Variants in LBH observed in about 807,000 individuals in gnomAD.
The protein encoded by LBH is LBH regulator of Wnt signaling pathway.
Under a neutral mutation model 12.5 loss-of-function variants are expected in LBH, and 7 were observed. That is an observed-to-expected ratio of 0.56 (90% CI 0.32 to 1.05). The LOEUF is 1.05. LBH is among the 50% of genes least tolerant of loss of function. The pLI, the probability that LBH is intolerant of heterozygous loss-of-function variation, is 0.04. For missense variants in LBH, 119 were observed against 138.9 expected (o/e 0.86, Z 0.72); for synonymous variants, 51 against 50.1 (o/e 1.02, Z -0.08).
Position 30,257,769 on chromosome 2 carries a change from G to T in LBH, c.*148G>T. Reference sequence around the variant, plus strand: ...TTTTGCACCTGCAGATCACCGAGTTGGTTTTCTTTTCTTTTCTTGCCTTTT... The same window carrying T: ...TTTTGCACCTGCAGATCACCGAGTTTGTTTTCTTTTCTTTTCTTGCCTTTT... On this transcript the variant is annotated 3_prime_UTR_variant, in exon 3 of 3. Coordinates refer to ENST00000395323, the MANE Select transcript of LBH (RefSeq NM_030915.4). The T allele has an allele frequency of 1.1e-5, 6 of 537,488 alleles. No homozygotes were observed. Among genetic ancestry groups the T allele is most frequent in the South Asian group, 3.2e-5 (1 of 30,908 alleles). The allele number at this position is 537,488 out of a possible 1,614,324, so 33.3% of individuals were successfully genotyped here.
At chr2:30,239,903 TC>T (rs2103557643) in intron 2 of LBH, among the ~76,000 whole-genome samples, 1 of 152,316 alleles carries the variant, frequency 6.6e-6, no homozygotes, top group African/African-American at 2.4e-5. Context: ...CATGGGGATT[TC>T]CTCCTGGGCC....
intron 2 of LBH, among the ~76,000 whole-genome samples, chr2:30,240,808 C>T (rs1677777798): frequency 6.6e-6 from 1 of 152,224 alleles, no homozygotes; most frequent in South Asian, 2.1e-4. Context: ...TTTAGGTAAA[C>T]TGTGTAGAAG....
intron 2 of LBH, among the ~76,000 whole-genome samples, chr2:30,255,487 G>A (rs1403408312): frequency 6.6e-6 from 1 of 152,178 alleles, no homozygotes; most frequent in Non-Finnish European, 1.5e-5. Context: ...TATGAGCCTC[G>A]TTAAGTCTTT....
At chr2:30,235,675 A>T (rs1052939253) in intron 2 of LBH, among the ~76,000 whole-genome samples, 1 of 141,102 alleles carries the variant, frequency 7.1e-6, no homozygotes, top group East Asian at 2.1e-4. Flanking sequence ...TTCCAGGGAC[A>T]TTTATTTTGT....
At chr2:30,238,873 C>T (rs373130553) in intron 2 of LBH, among the ~76,000 whole-genome samples, 1 of 148,352 alleles carries the variant, frequency 6.7e-6, no homozygotes, top group African/African-American at 2.5e-5. Context: ...CTTTCTCTCA[C>T]TCCTCCCCAC....
intron 2 of LBH, among the ~76,000 whole-genome samples, chr2:30,255,086 C>T (rs951627808): frequency 8.5e-5 from 13 of 152,370 alleles, no homozygotes; most frequent in African/African-American, 2.9e-4. Context: ...CACAGAGTCC[C>T]GGGTCTTACT....
chr2:30,242,158 A>G (rs745465766), intron 2 of LBH, among the ~76,000 whole-genome samples: 5 of 152,250 alleles, frequency 3.3e-5, no homozygotes, highest in Non-Finnish European at 4.4e-5. Flanking sequence ...CTTAGCATAG[A>G]GACTGTGGAA....
chr2:30,256,215 A>G (rs1487985880), intron 2 of LBH, among the ~76,000 whole-genome samples: 1 of 152,202 alleles, frequency 6.6e-6, no homozygotes, highest in East Asian at 1.9e-4. Context: ...CCCTGATTTT[A>G]TAGCTGGGTT....
intron 2 of LBH, among the ~76,000 whole-genome samples, chr2:30,255,294 G>A (rs1043509225): frequency 8.5e-5 from 8 of 94,610 alleles, no homozygotes; most frequent in African/African-American, 1.8e-4. Flanking sequence ...CCCACGTGGC[G>A]CTCCTCGCTC....
chr2:30,257,368 G>C, intron 2 of LBH, 65 bp from the exon 3 acceptor site: 1 of 1,571,924 alleles, frequency 6.4e-7, no homozygotes, highest in Non-Finnish European at 8.7e-7. Flanking sequence ...GATGTGCAAA[G>C]AAGGAATGGA....
chr2:30,238,935 G>A (rs1262610248), intron 2 of LBH, among the ~76,000 whole-genome samples: 1 of 146,080 alleles, frequency 6.8e-6, no homozygotes, highest in Non-Finnish European at 1.5e-5. Flanking sequence ...TGTCGCCCAG[G>A]CTGGAGTGCA....
intron 2 of LBH, among the ~76,000 whole-genome samples, chr2:30,255,558 T>C (rs1441599103): frequency 6.6e-6 from 1 of 152,172 alleles, no homozygotes; most frequent in Non-Finnish European, 1.5e-5. Flanking sequence ...TCTTATTGGA[T>C]AAATGGTTAA....
chr2:30,248,240 C>T (rs1401428635), intron 2 of LBH, among the ~76,000 whole-genome samples: 3 of 152,172 alleles, frequency 2.0e-5, no homozygotes, highest in Non-Finnish European at 4.4e-5. Flanking sequence ...TCAAGGAAGA[C>T]GTCTTGCGTG....
chr2:30,241,052 T>G (rs1677780746), intron 2 of LBH, among the ~76,000 whole-genome samples: 1 of 152,232 alleles, frequency 6.6e-6, no homozygotes, highest in East Asian at 1.9e-4. Context: ...TCTTCCAGCT[T>G]TTCTTAGGAG....
chr2:30,255,907 A>G (rs1558391070), intron 2 of LBH, among the ~76,000 whole-genome samples: 1 of 152,318 alleles, frequency 6.6e-6, no homozygotes, highest in East Asian at 1.9e-4. Context: ...TTCTTGTGCC[A>G]TGAACAAGCT....
chr2:30,252,255 G>T (rs567900649), intron 2 of LBH, among the ~76,000 whole-genome samples: 1 of 152,092 alleles, frequency 6.6e-6, no homozygotes, highest in Non-Finnish European at 1.5e-5. Flanking sequence ...CCCTTTGCTC[G>T]GCACTTCTCT....
intron 2 of LBH, among the ~76,000 whole-genome samples, chr2:30,253,611 A>G (rs760978612): frequency 6.6e-5 from 10 of 152,168 alleles, no homozygotes; most frequent in Non-Finnish European, 1.3e-4. Context: ...AGGTCTTAAA[A>G]GACTTAATTG....
rs145727993 is a variant in LBH at position 30,253,183 on chromosome 2, C to A, written c.130-4250C>A. Among the ~76,000 whole-genome samples the A allele has an allele frequency of 1.9e-3, 295 of 152,286 alleles. 1 individual carries two copies. The highest frequency in any genetic ancestry group is 6.8e-3 in the African/African-American group (284 of 41,550). On this transcript the variant is annotated intron_variant, in intron 2 of 2. Coordinates refer to ENST00000395323, the MANE Select transcript of LBH (RefSeq NM_030915.4). Reference sequence around the variant, plus strand: ...CCACCCGTCAAATTGCAGTTGCAACCTCTCATTTTTCTGCTGCCTAGATGA... The same window carrying A: ...CCACCCGTCAAATTGCAGTTGCAACATCTCATTTTTCTGCTGCCTAGATGA...
In LBH at chr2:30,231,633, G is replaced by A; in HGVS notation, c.-106G>A. On this transcript the variant is annotated 5_prime_UTR_variant, in exon 1 of 3. Transcript: ENST00000395323. ...GGCGGACGGCGAGCGCCCGGTGTCC[G>A]CACTCGGCCGCCTGCCGTGCCCGTC... 5.2e-6 allele frequency: 6 copies of A among 1,163,726 alleles called. No individual in the cohort carries two copies. The highest frequency in any genetic ancestry group is 1.9e-5 in the Admixed American group (1 of 53,708). The allele number at this position is 1,163,726 out of a possible 1,614,324, so 72.1% of individuals were successfully genotyped here. A position where few individuals can be genotyped will look rare whatever the true frequency, so the allele number is the denominator to read the frequency against.
Sources: gnomAD v4.1 joint callset for allele counts (sites outside exome capture counted in the v4.1 genomes callset) on GRCh38, gnomAD v4.1.1 for gene constraint, MANE v1.5 for transcripts, NCBI Gene and HGNC (gene_info 2026-07-23, HGNC 2026-07-21) for gene names.